The following GALNT13 variants were observed in gnomAD, a reference collection of about 807,000 sequenced individuals.
GALNT13 encodes the protein UDP-GalNAc:polypeptide N-acetylgalactosaminyltransferase 13.
GALNT13 carries 28 observed loss-of-function variants against 64.2 expected under a neutral mutation model. The ratio of observed to expected loss-of-function variants is 0.44; its 90% CI spans 0.32 to 0.60. The LOEUF is 0.60. GALNT13 is among the 20% of genes least tolerant of loss of function. The pLI, the probability that GALNT13 is intolerant of heterozygous loss-of-function variation, is 0.05. For synonymous variants in GALNT13, 214 were observed against 224.6 expected (o/e 0.95, Z 0.42); for missense variants, 577 against 669.8 (o/e 0.86, Z 1.53).
chr2:154,447,814 T>C (rs1482554611), intron 12 of GALNT13, among the ~76,000 whole-genome samples: 1 of 152,058 alleles, frequency 6.6e-6, no homozygotes, highest in African/African-American at 2.4e-5. Flanking sequence ...AGAGAACTTA[T>C]GTACAGAGCA....
At chr2:153,310,866 A>T in the GALNT13 span, among the ~76,000 whole-genome samples, 1 of 152,194 alleles carries the variant, frequency 6.6e-6, no homozygotes, top group Non-Finnish European at 1.5e-5. Context: ...AAGAATGGCT[A>T]CATCTCTGTG....
At chr2:153,133,500 A>G in the GALNT13 span, among the ~76,000 whole-genome samples, 1 of 152,028 alleles carries the variant, frequency 6.6e-6, no homozygotes, top group South Asian at 2.1e-4. Flanking sequence ...TTTTCATCCA[A>G]TAAATTCAAT....
the GALNT13 span, among the ~76,000 whole-genome samples, chr2:153,719,081 A>G: frequency 6.6e-6 from 1 of 152,004 alleles, no homozygotes; most frequent in East Asian, 1.9e-4. Context: ...GATGATGGCA[A>G]GGCACCTCAA....
At chr2:153,535,708 C>T in the GALNT13 span, among the ~76,000 whole-genome samples, 2 of 152,134 alleles carry the variant, frequency 1.3e-5, no homozygotes, top group African/African-American at 4.8e-5. Context: ...GGTGGCTGAG[C>T]TTGGTGAGGT....
At chr2:153,254,316 C>T in the GALNT13 span, among the ~76,000 whole-genome samples, 1 of 133,486 alleles carries the variant, frequency 7.5e-6, no homozygotes, top group African/African-American at 2.8e-5. Flanking sequence ...GTGGTGATAT[C>T]CCCTTTATCA....
chr2:153,953,240 G>A (rs1692325236), intron 3 of GALNT13, among the ~76,000 whole-genome samples: 1 of 151,954 alleles, frequency 6.6e-6, no homozygotes, highest in South Asian at 2.1e-4. Flanking sequence ...CATAGGAAAT[G>A]AAATGAAAGT....
At chr2:153,780,722 TATATG>T in the GALNT13 span, among the ~76,000 whole-genome samples, 1 of 152,028 alleles carries the variant, frequency 6.6e-6, no homozygotes, top group Non-Finnish European at 1.5e-5. Flanking sequence ...TGCCCCCAAA[TATATG>T]ATATGCCCAA....
chr2:153,499,276 C>G, the GALNT13 span, among the ~76,000 whole-genome samples: 879 of 152,252 alleles, frequency 5.8e-3, 12 homozygotes, highest in African/African-American at 0.02. Context: ...ATGGGTGGCT[C>G]CTTTCTGCAG....
chr2:154,225,164 A>AGATAGATAGAT (rs1559035156), intron 4 of GALNT13, among the ~76,000 whole-genome samples: 10 of 95,740 alleles, frequency 1.0e-4, no homozygotes, highest in Non-Finnish European at 2.3e-4. Flanking sequence ...GATAGATGAT[A>AGATAGATAGAT]GATAGATAGA....
At chr2:153,484,372 G>A in the GALNT13 span, among the ~76,000 whole-genome samples, 1 of 152,002 alleles carries the variant, frequency 6.6e-6, no homozygotes, top group Non-Finnish European at 1.5e-5. Context: ...AACCATAACT[G>A]AGCAGTTATA....
In GALNT13 at chr2:153,989,528, G is replaced by A. The variant is rs186868769; in HGVS notation, c.142+44889G>A. Among the ~76,000 whole-genome samples, 203 of 151,948 alleles carry A rather than the reference G, an allele frequency of 1.3e-3. No individual in the cohort carries two copies. The Middle Eastern group carries it at 0.017, about 13-fold the overall frequency. The stretch of plus-strand genomic sequence containing the variant: ...CTGGAGATTAAATGAAGAGTACTTC[G>A]TCTTTGAAGCTAACTTAAAGGCAGA... On this transcript the variant is annotated intron_variant, in intron 3 of 12. Coordinates refer to ENST00000392825, the MANE Select transcript of GALNT13 (RefSeq NM_052917.4).
intron 3 of GALNT13, among the ~76,000 whole-genome samples, chr2:154,023,487 G>A (rs1697692889): frequency 6.6e-6 from 1 of 152,122 alleles, no homozygotes; most frequent in Non-Finnish European, 1.5e-5. Context: ...TTGGTTTAAA[G>A]TCTGTTTTAT....
the GALNT13 span, among the ~76,000 whole-genome samples, chr2:153,410,984 C>T: frequency 6.6e-6 from 1 of 151,764 alleles, no homozygotes; most frequent in South Asian, 2.1e-4. Context: ...ATCCTCTCAC[C>T]TCCCTGAGTA....
chr2:154,156,324 A>C (rs1427385136), intron 4 of GALNT13, among the ~76,000 whole-genome samples: 1 of 152,124 alleles, frequency 6.6e-6, no homozygotes, highest in Non-Finnish European at 1.5e-5. Flanking sequence ...ATATTTTATA[A>C]GAAATTTAAA....
chr2:153,898,218 A>G (rs11886080), intron 1 of GALNT13, among the ~76,000 whole-genome samples: 119,223 of 152,064 alleles, frequency 0.78, 47,243 homozygotes, highest in East Asian at 0.96. Flanking sequence ...CCAGCTTCCA[A>G]TTGTGCCGAA....
At chr2:153,509,606 T>C in the GALNT13 span, among the ~76,000 whole-genome samples, 5 of 152,264 alleles carry the variant, frequency 3.3e-5, no homozygotes, top group Admixed American at 1.3e-4. Flanking sequence ...TAGATGGTCA[T>C]TGAATTGCTT....
intron 4 of GALNT13, among the ~76,000 whole-genome samples, 190 bp downstream of exon 4, chr2:154,140,695 A>G (rs1683211233): frequency 6.6e-6 from 1 of 152,126 alleles, no homozygotes; most frequent in South Asian, 2.1e-4. Context: ...GCAAAGAAAA[A>G]TACGTTACTT....
the GALNT13 span, among the ~76,000 whole-genome samples, chr2:153,581,118 T>G: frequency 6.6e-6 from 1 of 152,138 alleles, no homozygotes; most frequent in Non-Finnish European, 1.5e-5. Flanking sequence ...CATGTCTTGC[T>G]TGTACCTTAG....
chr2:153,679,722 A>T, the GALNT13 span, among the ~76,000 whole-genome samples: 1 of 151,898 alleles, frequency 6.6e-6, no homozygotes, highest in Non-Finnish European at 1.5e-5. Flanking sequence ...TCACGCTTTT[A>T]CCAGTAATTT....
Sources: allele counts gnomAD v4.1 joint callset (sites outside exome capture counted in the v4.1 genomes callset), GRCh38; gene constraint gnomAD v4.1.1; transcripts MANE v1.5; gene names NCBI Gene and HGNC (gene_info 2026-07-23, HGNC 2026-07-21).